The following FGF9 variants were observed in gnomAD, a reference collection of about 807,000 sequenced individuals.
FGF9 encodes the protein fibroblast growth factor 9, also known as fibroblast growth factor 9 (glia-activating factor).
Under a neutral mutation model 19.9 loss-of-function variants are expected in FGF9, and 3 were observed. That is an observed-to-expected ratio of 0.15 (90% CI 0.07 to 0.39). The LOEUF (loss-of-function observed/expected upper bound fraction) is 0.39. Among genes scored for constraint, FGF9 ranks in the 10% least tolerant of loss-of-function variants. FGF9 has a pLI of 1.00. For missense variants in FGF9, 175 were observed against 256.8 expected (o/e 0.68, Z 2.18); for synonymous variants, 107 against 106.9 (o/e 1.00, Z -0.01).
chr13:21,703,700 C>T lies in FGF9; in HGVS notation c.*2265C>T, dbSNP rs934384023. The stretch of plus-strand genomic sequence containing the variant: ...GGGAAGAATCAAGTTTCTAGGATGT[C>T]ATAGGTATACTATGTAGCACTGAAA... On this transcript the variant is annotated 3_prime_UTR_variant, in exon 3 of 3. Transcript: ENST00000382353. 2 of 151,752 alleles carry T rather than the reference C, an allele frequency of 1.3e-5. No homozygotes were observed. Among genetic ancestry groups the T allele is most frequent in the African/African-American group, 4.8e-5 (2 of 41,290 alleles). 9.4% of individuals were successfully genotyped at this position (151,752 alleles called of 1,614,324 possible).
At chr13:21,693,739 G>GA (rs970467348) in intron 2 of FGF9, among the ~76,000 whole-genome samples, 4 of 152,134 alleles carry the variant, frequency 2.6e-5, no homozygotes, top group Admixed American at 1.3e-4. Flanking sequence ...TGCCTTCGAG[G>GA]ACTGTATCCT....
At chr13:21,678,044 T>C (rs1174526512) in intron 1 of FGF9, among the ~76,000 whole-genome samples, 1 of 152,208 alleles carries the variant, frequency 6.6e-6, no homozygotes, top group Admixed American at 6.5e-5. Flanking sequence ...TCCCAACAGA[T>C]GGTGAGCAAA....
chr13:21,680,452 CT>C lies in FGF9; in HGVS notation c.278-576del, dbSNP rs369941643. Among the ~76,000 whole-genome samples the C allele has an allele frequency of 3.7e-3, 532 of 143,694 alleles. 2 individuals are homozygous for C. The highest frequency in any genetic ancestry group is 0.014 in the East Asian group (71 of 4,958). 94.3% of individuals were successfully genotyped at this position (143,694 alleles called of 152,430 possible). A position where few individuals can be genotyped will look rare whatever the true frequency, so the allele number is the denominator to read the frequency against. On this transcript the variant is annotated intron_variant, in intron 1 of 2. Coordinates refer to ENST00000382353, the MANE Select transcript of FGF9 (RefSeq NM_002010.3). ...GAGAGACTATTCTCTAAACAGAATA[CT>C]TTTTTTTTTTTTTGCTACTTAAACA...
intron 2 of FGF9, among the ~76,000 whole-genome samples, chr13:21,695,523 CGTCT>C (rs1347579565): frequency 6.6e-6 from 1 of 152,028 alleles, no homozygotes; most frequent in Non-Finnish European, 1.5e-5. Context: ...CCTCTTGCCT[CGTCT>C]GTCTGTGTTT....
intron 2 of FGF9, among the ~76,000 whole-genome samples, chr13:21,690,193 ACT>A (rs1387499849): frequency 6.6e-6 from 1 of 151,782 alleles, no homozygotes; most frequent in East Asian, 1.9e-4. Context: ...TCGCTCACAC[ACT>A]CACACACTCT....
chr13:21,682,833 C>T (rs1240024177), intron 2 of FGF9, among the ~76,000 whole-genome samples: 1 of 150,418 alleles, frequency 6.6e-6, no homozygotes, highest in East Asian at 2.0e-4. Context: ...ATCACAGTGG[C>T]CTCCAAATTT....
chr13:21,692,086 C>T (rs1872304836), intron 2 of FGF9, among the ~76,000 whole-genome samples: 1 of 152,006 alleles, frequency 6.6e-6, no homozygotes, highest in Admixed American at 6.6e-5. Context: ...ACAGACTTGC[C>T]AAGGTCGTAC....
intron 1 of FGF9, among the ~76,000 whole-genome samples, chr13:21,675,978 G>A (rs1048529345): frequency 2.0e-5 from 3 of 151,658 alleles, no homozygotes; most frequent in Admixed American, 1.3e-4. Context: ...GATTGAACAA[G>A]GAGAAAAGGA....
At chr13:21,681,254 G>T in intron 2 of FGF9, 109 bp downstream of exon 2, 1 of 826,450 alleles carries the variant, frequency 1.2e-6, no homozygotes, top group African/African-American at 1.7e-5. Flanking sequence ...TGTTTGGAAG[G>T]CGAGTGTAAG....
At chr13:21,687,938 G>A (rs1020604096) in intron 2 of FGF9, among the ~76,000 whole-genome samples, 1 of 152,190 alleles carries the variant, frequency 6.6e-6, no homozygotes, top group African/African-American at 2.4e-5. Flanking sequence ...GACATTCTTG[G>A]AGGGAACTTG....
chr13:21,676,724 T>C (rs1409543148), intron 1 of FGF9, among the ~76,000 whole-genome samples: 1 of 152,196 alleles, frequency 6.6e-6, no homozygotes. Flanking sequence ...TACATTTGTG[T>C]GGTCTGAAGA....
In FGF9 at chr13:21,672,810, G is replaced by C. The variant is rs1402902185; in HGVS notation, c.277+621G>C. On this transcript the variant is annotated intron_variant, in intron 1 of 2. Transcript: ENST00000382353. The surrounding 1 kb of genome is among the most constrained non-coding windows in gnomAD (Gnocchi z 4.2). ...CTTGGGGGAAAATGACTTGGGAAGA[G>C]GCAGGGCGCTCAGGGGTTTTTGTCC... is the stretch of plus-strand genomic sequence containing the variant. Among the ~76,000 whole-genome samples, 1 of 152,214 alleles carries C rather than the reference G, an allele frequency of 6.6e-6. No homozygotes were observed. The highest frequency in any genetic ancestry group is 2.1e-4 in the South Asian group (1 of 4,832).
chr13:21,700,274 AG>A (rs17070703), intron 2 of FGF9, among the ~76,000 whole-genome samples: 83 of 152,270 alleles, frequency 5.5e-4, no homozygotes, highest in African/African-American at 1.9e-3. Flanking sequence ...TGTAAATTCA[AG>A]GAAAAGGCCG....
At chr13:21,674,176 A>T (rs987954907) in intron 1 of FGF9, 1 of 153,416 alleles carries the variant, frequency 6.5e-6, no homozygotes, top group Non-Finnish European at 1.4e-5. Flanking sequence ...GCGCAGCGGC[A>T]GGAGAGTTGG....
In FGF9 at chr13:21,671,989, C is replaced by T; in HGVS notation, c.77C>T (p.Pro26Leu). The T allele has an allele frequency of 6.2e-7, 1 of 1,614,166 alleles. No homozygotes were observed. Among genetic ancestry groups the T allele is most frequent in the Non-Finnish European group, 8.5e-7 (1 of 1,180,036 alleles). The change falls in exon 1 of 3, where the codon CCG (proline) becomes CTG (leucine). Residue 26 changes from proline (P) to leucine (L), a missense_variant. Around this residue, in one of 3 missense-constraint regions of FGF9, gnomAD observed 69 missense variants for 73.6 expected, o/e 0.94. Coordinates refer to ENST00000382353, the MANE Select transcript of FGF9 (RefSeq NM_002010.3). ...CCGTTTGGGAATGTGCCCGTGTTGCCGGTGGACAGCCCGGTTTTGTTAAGT... is the reference window on the plus strand; with the variant it reads ...CCGTTTGGGAATGTGCCCGTGTTGCTGGTGGACAGCCCGGTTTTGTTAAGT... ...AVPFGNVPVL[P>L]VDSPVLLSDH...
Position 21,671,219 on chromosome 13 carries a change from A to C in FGF9, c.-694A>C, listed in dbSNP as rs1182610671. On this transcript the variant is annotated 5_prime_UTR_variant, in exon 1 of 3. Coordinates refer to ENST00000382353, the MANE Select transcript of FGF9 (RefSeq NM_002010.3). ...CGGCTCTCCTCGCTCGCCGCTCGCC[A>C]CCCGTTCTAAGCCAATGGACATCTG... is the stretch of plus-strand genomic sequence containing the variant. Among the ~76,000 whole-genome samples, 1 of 152,160 alleles carries C rather than the reference A, an allele frequency of 6.6e-6. No individual in the cohort carries two copies. Among genetic ancestry groups the C allele is most frequent in the Admixed American group, 6.5e-5 (1 of 15,284 alleles).
At chr13:21,695,083 CGTGTGTGTGTGT>C (rs59076902) in intron 2 of FGF9, among the ~76,000 whole-genome samples, 20 of 137,146 alleles carry the variant, frequency 1.5e-4, no homozygotes, top group South Asian at 7.3e-4. Flanking sequence ...TGTGTGTGTG[CGTGTGTGTGTGT>C]GTGTGTGTGT....
chr13:21,701,085 G>A (rs1327481803), intron 2 of FGF9, 105 bp from the exon 3 acceptor site: 15 of 830,478 alleles, frequency 1.8e-5, no homozygotes, highest in Admixed American at 6.2e-5. Context: ...ATAGATAAAC[G>A]TGTGCCAAGG....
chr13:21,671,210 C>T lies in FGF9; in HGVS notation c.-703C>T, dbSNP rs370588961. On this transcript the variant is annotated 5_prime_UTR_variant, in exon 1 of 3. Transcript: ENST00000382353. ...TCCCGGACGCGGCTCTCCTCGCTCG[C>T]CGCTCGCCACCCGTTCTAAGCCAAT... Among the ~76,000 whole-genome samples, 38 of 152,342 alleles carry T rather than the reference C, an allele frequency of 2.5e-4. No individual in the cohort carries two copies. In the East Asian group the frequency reaches 5.0e-3, roughly 20 times the overall value.
Sources: allele counts gnomAD v4.1 joint callset (sites outside exome capture counted in the v4.1 genomes callset), GRCh38; gene constraint gnomAD v4.1.1; regional missense constraint gnomAD v4.1.1; non-coding constraint Gnocchi (gnomAD v3.1); transcripts MANE v1.5; gene names NCBI Gene and HGNC (gene_info 2026-07-23, HGNC 2026-07-21).